PDE4D: variants seen among roughly 807,000 people sequenced by gnomAD.
PDE4D encodes 3',5'-cyclic-AMP phosphodiesterase 4D.
PDE4D carries 24 observed loss-of-function variants against 87.4 expected under a neutral mutation model. The ratio of observed to expected loss-of-function variants is 0.27; its 90% CI spans 0.20 to 0.39. The LOEUF is 0.39. PDE4D is among the 10% of genes least tolerant of loss of function. PDE4D has a pLI of 1.00. For synonymous variants in PDE4D, 384 were observed against 383.2 expected (o/e 1.00, Z -0.02); for missense variants, 714 against 1,041.0 (o/e 0.69, Z 4.32).
Position 60,430,176 on chromosome 5 carries a change from A to G in PDE4D, c.-90+57766T>C, listed in dbSNP as rs1351686951. The stretch of plus-strand genomic sequence containing the variant: ...GGGCACGCTTCTTGAAGCCCACTCC[A>G]TGAATGCACTTATGAATGTTGATGG... On this transcript the variant is annotated intron_variant, in intron 1 of 16. Transcript: ENST00000502484. The G allele has an allele frequency of 6.7e-5, 35 of 523,354 alleles. 1 individual carries two copies. Among genetic ancestry groups the G allele is most frequent in the Admixed American group, 6.6e-4 (34 of 51,692 alleles). 32.4% of individuals were successfully genotyped at this position (523,354 alleles called of 1,614,324 possible). A position where few individuals can be genotyped will look rare whatever the true frequency, so the allele number is the denominator to read the frequency against.
chr5:59,389,207 C>T (rs913193074), intron 1 of PDE4D, among the ~76,000 whole-genome samples: 7 of 152,046 alleles, frequency 4.6e-5, no homozygotes, highest in African/African-American at 1.7e-4. Flanking sequence ...TCTAAGAATT[C>T]TGTCTCCTTT....
chr5:60,219,327 C>T (rs759416060), intron 1 of PDE4D, among the ~76,000 whole-genome samples: 5 of 151,982 alleles, frequency 3.3e-5, no homozygotes, highest in Non-Finnish European at 5.9e-5. Context: ...TGAGAAGTGA[C>T]AATTGCTACT....
intron 1 of PDE4D, among the ~76,000 whole-genome samples, chr5:59,583,421 A>C (rs775526156): frequency 6.6e-6 from 1 of 152,222 alleles, no homozygotes; most frequent in Non-Finnish European, 1.5e-5. Context: ...AGCCAGAAGG[A>C]AAAATAAGAA....
At chr5:60,403,839 C>T (rs1458421445) in intron 1 of PDE4D, among the ~76,000 whole-genome samples, 2 of 152,288 alleles carry the variant, frequency 1.3e-5, no homozygotes, top group South Asian at 2.1e-4. Flanking sequence ...AGAAAATGCA[C>T]GTGAAGCAGG....
At position 59,483,917 on chromosome 5, in the gene PDE4D, C is replaced by T. The variant is rs374673509; in HGVS notation, c.456-267949G>A. 3.3e-5 allele frequency among the ~76,000 whole-genome samples: 5 copies of T among 152,160 alleles called. No homozygotes were observed. The East Asian group carries it at 9.6e-4, about 29-fold the overall frequency. ...ATTAAAGCTAATTTTAACTAAGTGA[C>T]AAACATCACTAGCATAAACATAAAA... On this transcript the variant is annotated intron_variant, in intron 1 of 14. Coordinates refer to ENST00000340635, the MANE Select transcript of PDE4D (RefSeq NM_001104631.2).
At chr5:60,406,418 G>A (rs902956316) in intron 1 of PDE4D, among the ~76,000 whole-genome samples, 3 of 152,074 alleles carry the variant, frequency 2.0e-5, no homozygotes, top group Non-Finnish European at 2.9e-5. Context: ...ATTTATAACC[G>A]CCATAACTCT....
intron 1 of PDE4D, among the ~76,000 whole-genome samples, chr5:59,340,892 T>C (rs554594219): frequency 8.5e-5 from 13 of 152,322 alleles, no homozygotes; most frequent in Non-Finnish European, 1.5e-4. Context: ...TAGTACTCCA[T>C]TGTGTGTATG....
intron 1 of PDE4D, among the ~76,000 whole-genome samples, chr5:59,819,620 A>C (rs1230548536): frequency 6.6e-6 from 1 of 152,202 alleles, no homozygotes; most frequent in South Asian, 2.1e-4. Flanking sequence ...GGAAAACTTG[A>C]TATTTGGCAC....
intron 3 of PDE4D, among the ~76,000 whole-genome samples, chr5:59,917,654 T>C (rs531581585): frequency 1.3e-5 from 2 of 152,204 alleles, no homozygotes; most frequent in East Asian, 1.9e-4. Context: ...TCAAATAATA[T>C]GTGACTTGGT....
chr5:59,996,801 T>C (rs1763565159), intron 2 of PDE4D, among the ~76,000 whole-genome samples: 1 of 152,178 alleles, frequency 6.6e-6, no homozygotes, highest in Non-Finnish European at 1.5e-5. Flanking sequence ...ATAGAAAAGA[T>C]ACTCTTGCAA....
chr5:59,952,663 C>G (rs1309180576), intron 3 of PDE4D, among the ~76,000 whole-genome samples: 4 of 152,292 alleles, frequency 2.6e-5, no homozygotes, highest in African/African-American at 9.6e-5. Context: ...AAAAAGGACA[C>G]AGATTCTAAC....
intron 6 of PDE4D, among the ~76,000 whole-genome samples, chr5:59,036,393 A>C (rs1323029910): frequency 6.6e-6 from 1 of 152,246 alleles, no homozygotes; most frequent in Non-Finnish European, 1.5e-5. Flanking sequence ...ATGGATGGTA[A>C]TAAAACTAAC....
At chr5:60,370,543 A>G (rs769366537) in intron 1 of PDE4D, among the ~76,000 whole-genome samples, 4 of 152,234 alleles carry the variant, frequency 2.6e-5, no homozygotes, top group Admixed American at 6.5e-5. Flanking sequence ...AAGAAAGAAA[A>G]TGCAAACCTG....
chr5:59,193,224 T>C (rs1424687218), intron 3 of PDE4D, among the ~76,000 whole-genome samples: 1 of 152,224 alleles, frequency 6.6e-6, no homozygotes, highest in African/African-American at 2.4e-5. Context: ...CTGCTTCTAG[T>C]GCTTATGTCA....
intron 1 of PDE4D, among the ~76,000 whole-genome samples, chr5:59,836,668 C>CCTAT (rs202194802): frequency 1.6e-5 from 2 of 124,810 alleles, no homozygotes; most frequent in Admixed American, 7.7e-5. Context: ...CATCTATCTA[C>CCTAT]CTATCTATCT....
chr5:60,015,778 A>G (rs1378191821), intron 2 of PDE4D, among the ~76,000 whole-genome samples: 1 of 152,168 alleles, frequency 6.6e-6, no homozygotes, highest in South Asian at 2.1e-4. Flanking sequence ...GAAATCTGCC[A>G]GTTGATAGCC....
intron 1 of PDE4D, among the ~76,000 whole-genome samples, chr5:60,196,805 T>G (rs890473057): frequency 2.6e-5 from 4 of 151,594 alleles, no homozygotes; most frequent in African/African-American, 9.7e-5. Flanking sequence ...TTTTTAATGT[T>G]TTTTTGTCCC....
At chr5:60,009,142 T>A (rs1561974390) in intron 2 of PDE4D, among the ~76,000 whole-genome samples, 1 of 152,050 alleles carries the variant, frequency 6.6e-6, no homozygotes, top group Non-Finnish European at 1.5e-5. Context: ...ACTGCCTTCC[T>A]ACATCTTAAG....
intron 1 of PDE4D, among the ~76,000 whole-genome samples, chr5:59,877,761 G>A (rs1227852440): frequency 6.6e-6 from 1 of 152,122 alleles, no homozygotes; most frequent in East Asian, 1.9e-4. Flanking sequence ...GGAGGTTGCA[G>A]TGAGCCAAGA....
Sources: allele counts gnomAD v4.1 joint callset (sites outside exome capture counted in the v4.1 genomes callset), GRCh38; gene constraint gnomAD v4.1.1; transcripts MANE v1.5; gene names NCBI Gene and HGNC (gene_info 2026-07-23, HGNC 2026-07-21).